The following CACNA1D variants were observed in gnomAD, a reference collection of about 807,000 sequenced individuals.
CACNA1D encodes the protein calcium voltage-gated channel subunit alpha1 D.
A neutral mutation model predicts 257.1 loss-of-function variants in CACNA1D; 55 were observed. The ratio of observed to expected loss-of-function variants is 0.21; its 90% CI spans 0.17 to 0.27. CACNA1D has a LOEUF of 0.27. Among genes scored for constraint, CACNA1D ranks in the 10% least tolerant of loss-of-function variants. The pLI, the probability that CACNA1D is intolerant of heterozygous loss-of-function variation, is 1.00. For synonymous variants in CACNA1D, 980 were observed against 1,014.9 expected (o/e 0.97, Z 0.65); for missense variants, 1,876 against 2,784.0 (o/e 0.67, Z 7.34).
chr3:53,495,764 A>C lies in CACNA1D; in HGVS notation c.67+531A>C, dbSNP rs370137786. On this transcript the variant is annotated intron_variant, in intron 1 of 47. Transcript: ENST00000350061. The surrounding 1 kb of genome is among the most constrained non-coding windows in gnomAD (Gnocchi z 5.1). ...GAGGCCCGGCCTCGGTATCGGGGAAAGGGGTTCGGGTGGAGCGTGCGTTCC... is the reference window on the plus strand; with the variant it reads ...GAGGCCCGGCCTCGGTATCGGGGAACGGGGTTCGGGTGGAGCGTGCGTTCC... Among the ~76,000 whole-genome samples the C allele has an allele frequency of 1.5e-3, 227 of 152,332 alleles. 1 individual carries two copies. The highest frequency in any genetic ancestry group is 5.2e-3 in the African/African-American group (218 of 41,582).
chr3:53,677,509 G>C (rs888389461), intron 8 of CACNA1D, among the ~76,000 whole-genome samples: 7 of 152,202 alleles, frequency 4.6e-5, no homozygotes, highest in Non-Finnish European at 1.0e-4. Context: ...TAAATCCGTG[G>C]ATATCCCCCA....
intron 28 of CACNA1D, 115 bp downstream of exon 28, chr3:53,752,022 G>A (rs2095230480): frequency 2.0e-6 from 2 of 1,016,368 alleles, no homozygotes; most frequent in Non-Finnish European, 3.1e-6. Context: ...TTTCTGATGA[G>A]TCTGGGCTAT....
chr3:53,764,645 G>A (rs963954372), intron 30 of CACNA1D, among the ~76,000 whole-genome samples: 4 of 152,336 alleles, frequency 2.6e-5, no homozygotes, highest in East Asian at 3.9e-4. Flanking sequence ...GCTGCCTCAC[G>A]TGTGCTGCAG....
chr3:53,602,158 A>G (rs534129125), intron 3 of CACNA1D, among the ~76,000 whole-genome samples: 40 of 152,222 alleles, frequency 2.6e-4, no homozygotes, highest in African/African-American at 8.9e-4. Flanking sequence ...TCTACTCTCT[A>G]TCTTCATGAG....
chr3:53,559,187 G>C (rs1162510251), intron 3 of CACNA1D, among the ~76,000 whole-genome samples: 1 of 152,002 alleles, frequency 6.6e-6, no homozygotes, highest in Non-Finnish European at 1.5e-5. Context: ...AAGTTTTATT[G>C]TATCTTTATT....
chr3:53,660,678 G>A (rs1249932946), intron 5 of CACNA1D, among the ~76,000 whole-genome samples: 2 of 150,748 alleles, frequency 1.3e-5, no homozygotes, highest in Non-Finnish European at 1.5e-5. Flanking sequence ...ACTTAGCTGC[G>A]TGCCTTTTTT....
At chr3:53,808,511 A>G (rs1003908172) in intron 45 of CACNA1D, 138 bp from the exon 46 acceptor site, 2 of 997,100 alleles carry the variant, frequency 2.0e-6, no homozygotes, top group African/African-American at 3.2e-5. Flanking sequence ...AGACCTCACT[A>G]CCTAATCTTT....
chr3:53,639,033 A>G (rs2093917874), intron 3 of CACNA1D, among the ~76,000 whole-genome samples: 1 of 152,264 alleles, frequency 6.6e-6, no homozygotes. Context: ...GGGTGGAGCC[A>G]GGTCTCTTCA....
chr3:53,674,480 G>A (rs936142271), intron 8 of CACNA1D, among the ~76,000 whole-genome samples: 1 of 152,174 alleles, frequency 6.6e-6, no homozygotes, highest in Non-Finnish European at 1.5e-5. Context: ...CAGAGACCCC[G>A]TCATTCAGTC....
At chr3:53,682,122 T>A (rs555424946) in intron 8 of CACNA1D, among the ~76,000 whole-genome samples, 3 of 152,246 alleles carry the variant, frequency 2.0e-5, no homozygotes, top group South Asian at 2.1e-4. Flanking sequence ...ATATTCAAAT[T>A]TACATTTTCT....
chr3:53,672,556 T>C (rs2094333075), intron 7 of CACNA1D, among the ~76,000 whole-genome samples: 2 of 152,160 alleles, frequency 1.3e-5, no homozygotes, highest in Non-Finnish European at 2.9e-5. Flanking sequence ...TTTTCCACCA[T>C]CACAAACTTT....
intron 9 of CACNA1D, among the ~76,000 whole-genome samples, chr3:53,712,260 G>C (rs185064106): frequency 1.3e-5 from 2 of 152,330 alleles, no homozygotes; most frequent in African/African-American, 4.8e-5. Flanking sequence ...ACTTTATTTT[G>C]AGTGGGAATG....
At chr3:53,513,985 C>A (rs2091224757) in intron 3 of CACNA1D, among the ~76,000 whole-genome samples, 1 of 152,146 alleles carries the variant, frequency 6.6e-6, no homozygotes, top group Non-Finnish European at 1.5e-5. Flanking sequence ...ACTCCGTGTT[C>A]ACACAGTGAT....
intron 9 of CACNA1D, among the ~76,000 whole-genome samples, chr3:53,716,045 C>A (rs957846652): frequency 3.2e-4 from 49 of 152,338 alleles, no homozygotes; most frequent in African/African-American, 1.2e-3. Context: ...GTACCGATAT[C>A]AGCATGAGAC....
chr3:53,732,319 T>TGCTGG (rs1027813976), intron 18 of CACNA1D, among the ~76,000 whole-genome samples: 3 of 152,232 alleles, frequency 2.0e-5, no homozygotes, highest in Non-Finnish European at 4.4e-5. Flanking sequence ...TCCCAGCTTC[T>TGCTGG]GCTGGGAGAC....
At chr3:53,585,748 T>C (rs1237051124) in intron 3 of CACNA1D, among the ~76,000 whole-genome samples, 1 of 152,132 alleles carries the variant, frequency 6.6e-6, no homozygotes, top group East Asian at 1.9e-4. Context: ...GAGGGGCTGG[T>C]CCACGCAGAC....
At chr3:53,760,973 G>A (rs1465514994) in intron 29 of CACNA1D, among the ~76,000 whole-genome samples, 11 of 152,218 alleles carry the variant, frequency 7.2e-5, no homozygotes, top group Admixed American at 7.2e-4. Flanking sequence ...CCCACATTCA[G>A]CCATCAGTAC....
intron 8 of CACNA1D, among the ~76,000 whole-genome samples, chr3:53,697,242 T>A (rs1416726973): frequency 6.6e-6 from 1 of 152,214 alleles, no homozygotes; most frequent in Non-Finnish European, 1.5e-5. Flanking sequence ...GGCACACTCA[T>A]TTCATGCTTC....
At chr3:53,760,946 G>T (rs567982486) in intron 29 of CACNA1D, among the ~76,000 whole-genome samples, 2 of 152,334 alleles carry the variant, frequency 1.3e-5, no homozygotes, top group South Asian at 4.1e-4. Flanking sequence ...TTGATTGGTA[G>T]AGCTGCAGAC....
Sources: allele counts gnomAD v4.1 joint callset (sites outside exome capture counted in the v4.1 genomes callset), GRCh38; gene constraint gnomAD v4.1.1; non-coding constraint Gnocchi (gnomAD v3.1); transcripts MANE v1.5; gene names NCBI Gene and HGNC (gene_info 2026-07-23, HGNC 2026-07-21).